The following SYNCRIP variants were observed in gnomAD, a reference collection of about 807,000 sequenced individuals.
SYNCRIP encodes heterogeneous nuclear ribonucleoprotein Q.
In SYNCRIP, 9 loss-of-function variants were observed where a neutral mutation model predicts 68.9. The observed-to-expected ratio is 0.13, with a 90% CI of 0.08 to 0.23. The LOEUF (loss-of-function observed/expected upper bound fraction) is 0.23, where lower values mean the gene tolerates loss of function less well. SYNCRIP is among the 10% of genes least tolerant of loss of function. SYNCRIP has a pLI of 1.00. For missense variants in SYNCRIP, 414 were observed against 770.6 expected, an observed-to-expected ratio of 0.54 and a Z score of 5.48; for synonymous variants, 258 against 254.0, an observed-to-expected ratio of 1.02 and a Z score of -0.15.
At chr6:85,611,780 G>A (rs1583232253), downstream of SYNCRIP, 1 of 152,542 alleles carries the variant, frequency 6.6e-6, no homozygotes, top group Admixed American at 6.6e-5. Flanking sequence ...ACAGTGATCA[G>A]CAGGAAGAAA....
At chr6:85,611,479 G>T (rs954857625), downstream of SYNCRIP, 1 of 152,484 alleles carries the variant, frequency 6.6e-6, no homozygotes, top group Non-Finnish European at 1.5e-5. Context: ...TCTTCATCGT[G>T]GTGCCTATTG....
At chr6:85,615,778 C>T (rs932716414) in intron 10 of SYNCRIP, among the ~76,000 whole-genome samples, 2 of 152,158 alleles carry the variant, frequency 1.3e-5, no homozygotes, top group Admixed American at 1.3e-4. Context: ...TCACTGCACT[C>T]CAGCCTGGGT....
At position 85,615,041 on chromosome 6, in the gene SYNCRIP, A is replaced by G. The variant is rs1375959711; in HGVS notation, c.1587T>C (p.Pro529=). The G allele has an allele frequency of 6.2e-7, 1 of 1,614,084 alleles. No individual in the cohort carries two copies. The change falls in exon 11 of 11, where the codon CCT becomes CCC. Residue 529 remains proline, a synonymous_variant. Coordinates refer to ENST00000369622, the MANE Select transcript of SYNCRIP (RefSeq NM_006372.5). ...GRAGYSQRGG[P]GSARGVRGAR... is the part of the protein sequence containing the mutation. Reference sequence around the variant, plus strand: ...CACCTCGAACGCCTCTTGCTGATCCAGGACCTCCTCTCTGTGAATAACCGG... The same window carrying G: ...CACCTCGAACGCCTCTTGCTGATCCGGGACCTCCTCTCTGTGAATAACCGG...
chr6:85,622,816 CT>C, intron 7 of SYNCRIP, 129 bp from the exon 8 acceptor site: 2 of 744,256 alleles, frequency 2.7e-6, no homozygotes, highest in Non-Finnish European at 4.4e-6. Flanking sequence ...CACTAGACAT[CT>C]TTATAAAAGA....
rs1308852517 is a variant in SYNCRIP, at chr6:85,640,458, G to A, written c.255C>T (p.Leu85=). The A allele has an allele frequency of 1.2e-5, 20 of 1,603,654 alleles. No individual in the cohort carries two copies. Among genetic ancestry groups the A allele is most frequent in the Non-Finnish European group, 1.7e-5 (20 of 1,175,872 alleles). The change falls in exon 3 of 11, where the codon CTC becomes CTT. Residue 85 remains leucine (L), a synonymous_variant. Transcript: ENST00000369622. ...ACATTAACATTACCTGAACATGAGA[G>A]AGATCACTGTCTTTAAACTGTTGAA... ...AVLQQFKDSD[L]SHVQNKSAFL...
intron 6 of SYNCRIP, among the ~76,000 whole-genome samples, chr6:85,628,202 T>A (rs1030612094): frequency 1.3e-5 from 2 of 152,068 alleles, no homozygotes; most frequent in Admixed American, 1.3e-4. Flanking sequence ...ACCACAGGCG[T>A]GTGCCACCAC....
At position 85,634,512 on chromosome 6, in the gene SYNCRIP, G is replaced by A. The variant is rs151283113; in HGVS notation, c.666+2455C>T. ...GGAACCCATACCAAAATCCATGAAT[G>A]CTCAACTCTCTTAAATAGCATAGTG... On this transcript the variant is annotated intron_variant, in intron 6 of 10. Transcript: ENST00000369622. Among the ~76,000 whole-genome samples the A allele has an allele frequency of 5.0e-3, 754 of 151,942 alleles. 3 individuals are homozygous for A. Among genetic ancestry groups the A allele is most frequent in the African/African-American group, 0.017 (696 of 41,438 alleles).
intron 8 of SYNCRIP, 83 bp downstream of exon 8, chr6:85,622,399 T>TTCA (rs1297065375): frequency 3.1e-6 from 4 of 1,284,494 alleles, no homozygotes; most frequent in Non-Finnish European, 4.5e-6. Context: ...ATGTATACTG[T>TTCA]TCATTTTATG....
At chr6:85,630,378 C>A (rs945891471) in intron 6 of SYNCRIP, among the ~76,000 whole-genome samples, 37 of 151,956 alleles carry the variant, frequency 2.4e-4, no homozygotes, top group East Asian at 1.7e-3. Flanking sequence ...AACAAACAAA[C>A]AAAAAAAATC....
chr6:85,621,113 AC>A (rs1267143479), intron 8 of SYNCRIP, among the ~76,000 whole-genome samples: 18 of 152,378 alleles, frequency 1.2e-4, no homozygotes, highest in Middle Eastern at 3.4e-3. Flanking sequence ...TAACTTGAAT[AC>A]CATCTGAATG....
At chr6:85,631,508 T>C (rs1807786325) in intron 6 of SYNCRIP, among the ~76,000 whole-genome samples, 1 of 152,118 alleles carries the variant, frequency 6.6e-6, no homozygotes, top group Non-Finnish European at 1.5e-5. Context: ...TTGCCAAATA[T>C]AAAGGGCAAC....
At chr6:85,617,503 C>T (rs1805914092) in intron 10 of SYNCRIP, among the ~76,000 whole-genome samples, 1 of 152,170 alleles carries the variant, frequency 6.6e-6, no homozygotes, top group South Asian at 2.1e-4. Flanking sequence ...AAAACTAACT[C>T]TTTTTGTAGT....
chr6:85,616,276 T>C (rs2128279346), intron 10 of SYNCRIP, among the ~76,000 whole-genome samples: 1 of 152,326 alleles, frequency 6.6e-6, no homozygotes, highest in African/African-American at 2.4e-5. Context: ...TTAATCCCTC[T>C]TGAAGGAATA....
At chr6:85,633,172 C>T (rs1583298699) in intron 6 of SYNCRIP, among the ~76,000 whole-genome samples, 1 of 152,024 alleles carries the variant, frequency 6.6e-6, no homozygotes, top group African/African-American at 2.4e-5. Context: ...AGGAGAATGG[C>T]GTGAACCCGG....
chr6:85,643,303 CCT>C (rs1400431121), upstream of SYNCRIP: 1 of 152,110 alleles, frequency 6.6e-6, no homozygotes, highest in East Asian at 2.0e-4. Context: ...CGAGTCGGCT[CCT>C]CTCTTTCTCT....
downstream of SYNCRIP, chr6:85,609,235 A>T (rs1805058834): frequency 6.6e-6 from 1 of 151,880 alleles, no homozygotes; most frequent in Non-Finnish European, 1.5e-5. Flanking sequence ...AAGCCCTTCT[A>T]TTTAATTTCT....
At chr6:85,637,529 C>T (rs1368348981) in intron 4 of SYNCRIP, among the ~76,000 whole-genome samples, 173 bp from the exon 5 acceptor site, 4 of 152,196 alleles carry the variant, frequency 2.6e-5, no homozygotes, top group Non-Finnish European at 4.4e-5. Context: ...ACTTGTTATA[C>T]TCCTAAATTA....
intron 10 of SYNCRIP, among the ~76,000 whole-genome samples, chr6:85,615,998 T>C (rs977079908): frequency 2.0e-5 from 3 of 152,190 alleles, no homozygotes; most frequent in Non-Finnish European, 4.4e-5. Context: ...AATAATGCTA[T>C]CCAAGTAAAA....
intron 6 of SYNCRIP, among the ~76,000 whole-genome samples, chr6:85,625,316 G>A (rs1806909843): frequency 6.6e-6 from 1 of 151,318 alleles, no homozygotes; most frequent in African/African-American, 2.4e-5. Context: ...GTAAAAAGAT[G>A]ACTCCTGCTA....
Sources: gnomAD v4.1 joint callset for allele counts (sites outside exome capture counted in the v4.1 genomes callset) on GRCh38, gnomAD v4.1.1 for gene constraint, MANE v1.5 for transcripts, NCBI Gene and HGNC (gene_info 2026-07-23, HGNC 2026-07-21) for gene names.